NAV2: variants seen among roughly 807,000 people sequenced by gnomAD.
The protein encoded by NAV2 is neuron navigator 2, also known as helicase, APC down-regulated 1.
A neutral mutation model predicts 223.2 loss-of-function variants in NAV2; 54 were observed. That is an observed-to-expected ratio of 0.24 (90% CI 0.19 to 0.30). NAV2 has a LOEUF of 0.30. Among genes scored for constraint, NAV2 ranks in the 10% least tolerant of loss-of-function variants. NAV2 has a pLI of 1.00. For synonymous variants in NAV2, 1,279 were observed against 1,239.3 expected, an observed-to-expected ratio of 1.03 and a Z score of -0.67; for missense variants, 2,806 against 3,147.5, an observed-to-expected ratio of 0.89 and a Z score of 2.60.
chr11:20,096,531 A>C (rs563115395), intron 30 of NAV2, among the ~76,000 whole-genome samples: 4 of 152,324 alleles, frequency 2.6e-5, no homozygotes, highest in African/African-American at 9.6e-5. Context: ...AAGGTGAAGA[A>C]AGTGAGGGTC....
chr11:19,600,212 C>T (rs2046315907), intron 1 of NAV2, among the ~76,000 whole-genome samples: 1 of 152,184 alleles, frequency 6.6e-6, no homozygotes, highest in Non-Finnish European at 1.5e-5. Flanking sequence ...TGCACCAACT[C>T]ATCTGCCTCA....
At chr11:19,492,399 T>C (rs1168169646) in intron 1 of NAV2, among the ~76,000 whole-genome samples, 2 of 152,166 alleles carry the variant, frequency 1.3e-5, no homozygotes, top group African/African-American at 2.4e-5. Flanking sequence ...CTAAATTTAC[T>C]GTGTTAAATA....
At position 19,984,209 on chromosome 11, in the gene NAV2, G is replaced by A. The variant is rs759899299; in HGVS notation, c.2730G>A (p.Leu910=). ...PDGMAVVRET[L]QRNTSLGLGD... is the part of the protein sequence containing the mutation. ...GGATGGCTGTGGTACGGGAGACCCT[G>A]CAACGAAATACCTCCCTGGGCCTCG... Residue 910 remains leucine, a synonymous_variant, in exon 11 of 38, where the codon CTG becomes CTA. Transcript: ENST00000349880. The A allele has an allele frequency of 1.2e-6, 2 of 1,614,176 alleles. No homozygotes were observed. Among genetic ancestry groups the A allele is most frequent in the East Asian group, 2.2e-5 (1 of 44,882 alleles).
intron 1 of NAV2, among the ~76,000 whole-genome samples, chr11:19,409,915 C>T (rs1051218305): frequency 6.6e-6 from 1 of 152,146 alleles, no homozygotes; most frequent in Non-Finnish European, 1.5e-5. Context: ...GCACTCTGGG[C>T]TGAGACAGGC....
At chr11:20,082,509 T>C (rs2060153398) in intron 25 of NAV2, 9 of 1,419,684 alleles carry the variant, frequency 6.3e-6, no homozygotes, top group South Asian at 5.7e-5. Flanking sequence ...AGTCCGAAGC[T>C]TTCCCTGTCA....
At chr11:19,722,224 A>G (rs955467027) in intron 1 of NAV2, among the ~76,000 whole-genome samples, 1 of 152,236 alleles carries the variant, frequency 6.6e-6, no homozygotes, top group African/African-American at 2.4e-5. Flanking sequence ...CTGGAAATAA[A>G]TCACAAGATT....
At chr11:20,047,686 G>A (rs1285989829) in intron 14 of NAV2, among the ~76,000 whole-genome samples, 1 of 152,088 alleles carries the variant, frequency 6.6e-6, no homozygotes, top group Non-Finnish European at 1.5e-5. Context: ...TTTCCTTTCT[G>A]CCACCACCCA....
At chr11:19,996,543 G>GAGAAA in intron 11 of NAV2, among the ~76,000 whole-genome samples, 1 of 152,300 alleles carries the variant, frequency 6.6e-6, no homozygotes, top group South Asian at 2.1e-4. Context: ...TTCTCTGAAG[G>GAGAAA]ACATTTAACT....
chr11:19,765,096 T>C (rs1389476157), intron 1 of NAV2, among the ~76,000 whole-genome samples: 5 of 152,190 alleles, frequency 3.3e-5, no homozygotes. Context: ...GTAGCCAGTG[T>C]ATAGGCATTA....
At chr11:19,481,130 G>A (rs183804317) in intron 1 of NAV2, among the ~76,000 whole-genome samples, 1 of 152,182 alleles carries the variant, frequency 6.6e-6, no homozygotes, top group African/African-American at 2.4e-5. Context: ...CAAATCACCA[G>A]TGTCTACAAG....
chr11:19,904,698 C>T (rs2042726075), intron 6 of NAV2, among the ~76,000 whole-genome samples: 2 of 152,022 alleles, frequency 1.3e-5, no homozygotes, highest in African/African-American at 4.8e-5. Flanking sequence ...AAAAAAAATA[C>T]AGGGAGGCAA....
At chr11:19,939,564 C>A in intron 7 of NAV2, 97 bp from the exon 8 acceptor site, 1 of 806,674 alleles carries the variant, frequency 1.2e-6, no homozygotes, top group African/African-American at 1.7e-5. Flanking sequence ...CTTCTTGCTA[C>A]AGGAGGTGAT....
chr11:19,723,203 G>A (rs1371232180), intron 1 of NAV2, among the ~76,000 whole-genome samples: 4 of 152,168 alleles, frequency 2.6e-5, no homozygotes, highest in African/African-American at 9.7e-5. Flanking sequence ...GAGTTTCCAG[G>A]AATGATGATC....
At chr11:19,912,995 T>C (rs1488806722) in intron 6 of NAV2, among the ~76,000 whole-genome samples, 2 of 152,204 alleles carry the variant, frequency 1.3e-5, no homozygotes, top group African/African-American at 2.4e-5. Flanking sequence ...TAACTCCTGC[T>C]CTGGCAGTTT....
intron 1 of NAV2, among the ~76,000 whole-genome samples, chr11:19,614,643 G>A (rs2046741636): frequency 6.6e-6 from 1 of 152,256 alleles, no homozygotes; most frequent in African/African-American, 2.4e-5. Context: ...GTGTCCTGCT[G>A]TCTTTTCAAC....
chr11:19,383,395 C>A (rs1848918555), intron 1 of NAV2, among the ~76,000 whole-genome samples: 1 of 152,180 alleles, frequency 6.6e-6, no homozygotes, highest in African/African-American at 2.4e-5. Context: ...TTGCCCCCAG[C>A]ATTAAACTAT....
At chr11:19,779,961 G>A (rs542625914) in intron 1 of NAV2, among the ~76,000 whole-genome samples, 3 of 152,300 alleles carry the variant, frequency 2.0e-5, no homozygotes, top group East Asian at 1.9e-4. Flanking sequence ...GTGTGTGCCC[G>A]AACTTTTATC....
chr11:20,083,777 G>C (rs1031581846), intron 26 of NAV2, among the ~76,000 whole-genome samples: 34 of 152,170 alleles, frequency 2.2e-4, no homozygotes, highest in African/African-American at 7.7e-4. Flanking sequence ...GTAAAAATAG[G>C]GTTCATTACA....
At chr11:19,647,142 C>T (rs1005077821) in intron 1 of NAV2, among the ~76,000 whole-genome samples, 3 of 152,176 alleles carry the variant, frequency 2.0e-5, no homozygotes, top group East Asian at 1.9e-4. Context: ...TTTCCCTTGG[C>T]GAGCTGCCCT....
Sources: allele counts gnomAD v4.1 joint callset (sites outside exome capture counted in the v4.1 genomes callset), GRCh38; gene constraint gnomAD v4.1.1; transcripts MANE v1.5; gene names NCBI Gene and HGNC (gene_info 2026-07-23, HGNC 2026-07-21).